The following KCNIP4 variants were observed in gnomAD, a reference collection of about 807,000 sequenced individuals.
KCNIP4 encodes Kv channel-interacting protein 4.
Under a neutral mutation model 34.0 loss-of-function variants are expected in KCNIP4, and 12 were observed. The observed-to-expected ratio is 0.35, with a 90% CI of 0.23 to 0.57. The LOEUF (loss-of-function observed/expected upper bound fraction) is 0.57, where lower values mean the gene tolerates loss of function less well. Ranked by LOEUF, KCNIP4 falls within the 20% of genes least tolerant of loss-of-function variation. KCNIP4 has a pLI of 0.83. For missense variants in KCNIP4, 238 were observed against 311.7 expected (o/e 0.76, Z 1.78); for synonymous variants, 124 against 102.2 (o/e 1.21, Z -1.29).
intron 1 of KCNIP4, among the ~76,000 whole-genome samples, chr4:20,947,103 T>C (rs896880003): frequency 1.3e-5 from 2 of 152,156 alleles, no homozygotes; most frequent in Non-Finnish European, 2.9e-5. Context: ...CAAAGTCTGT[T>C]TCCTCTGTTA....
chr4:21,132,556 G>A (rs190091314), intron 1 of KCNIP4, among the ~76,000 whole-genome samples: 38 of 152,134 alleles, frequency 2.5e-4, no homozygotes, highest in Admixed American at 7.9e-4. Flanking sequence ...TAATTATATG[G>A]TTTTCCTGCT....
At chr4:21,879,363 C>T (rs2109381285) in intron 1 of KCNIP4, among the ~76,000 whole-genome samples, 1 of 152,326 alleles carries the variant, frequency 6.6e-6, no homozygotes, top group South Asian at 2.1e-4. Flanking sequence ...ACCCCTATCC[C>T]TCAGCATCCT....
chr4:20,874,762 G>A (rs1723826768), intron 2 of KCNIP4, among the ~76,000 whole-genome samples: 1 of 150,874 alleles, frequency 6.6e-6, no homozygotes, highest in Non-Finnish European at 1.5e-5. Flanking sequence ...TTATGAAAAT[G>A]AAATATTCAA....
intron 1 of KCNIP4, among the ~76,000 whole-genome samples, chr4:20,937,531 G>A (rs1731205160): frequency 6.6e-6 from 1 of 152,002 alleles, no homozygotes; most frequent in African/African-American, 2.4e-5. Flanking sequence ...ACCGTGCCTG[G>A]CCCCCAAGGA....
At chr4:21,090,598 A>C (rs1265609409) in intron 1 of KCNIP4, among the ~76,000 whole-genome samples, 1 of 152,196 alleles carries the variant, frequency 6.6e-6, no homozygotes, top group Non-Finnish European at 1.5e-5. Context: ...GTTTTTATGT[A>C]TTGCATTGTA....
rs1205271760 is a variant in KCNIP4, at chr4:20,882,643, C to G, written c.128G>C (p.Cys43Ser). Residue 43 changes from cysteine to serine, a missense_variant, in exon 2 of 9, where the codon TGC (cysteine) becomes TCC (serine). By Grantham distance (112) the Cys-to-Ser change is moderately radical. Coordinates refer to ENST00000382152, the MANE Select transcript of KCNIP4 (RefSeq NM_025221.6). ...IKERLMKLLP[C>S]SAAKTSSPAI... Reference sequence around the variant, plus strand: ...AGGAGACGACGTTTTGGCAGCTGAGCAGGGCAAGAGCTTCATGAGCCGCTC... The same window carrying G: ...AGGAGACGACGTTTTGGCAGCTGAGGAGGGCAAGAGCTTCATGAGCCGCTC... The G allele has an allele frequency of 6.2e-7, 1 of 1,613,134 alleles. No homozygotes were observed. Among genetic ancestry groups the G allele is most frequent in the Admixed American group, 1.7e-5 (1 of 59,946 alleles).
At chr4:20,905,505 C>CTTT (rs1182454951) in intron 1 of KCNIP4, among the ~76,000 whole-genome samples, 7 of 37,026 alleles carry the variant, frequency 1.9e-4, no homozygotes, top group African/African-American at 5.2e-4. Flanking sequence ...TGAACGTTTT[C>CTTT]TTTCTTTTTT....
intron 1 of KCNIP4, among the ~76,000 whole-genome samples, chr4:21,378,108 A>G (rs1300271909): frequency 6.6e-6 from 1 of 152,134 alleles, no homozygotes; most frequent in Non-Finnish European, 1.5e-5. Context: ...TCTAGGTTAC[A>G]CTTAATAGCC....
At chr4:21,556,379 C>T (rs950537423) in intron 1 of KCNIP4, among the ~76,000 whole-genome samples, 13 of 152,082 alleles carry the variant, frequency 8.5e-5, no homozygotes, top group African/African-American at 3.1e-4. Flanking sequence ...TTGCCCCATT[C>T]CCACAGTTGA....
At chr4:21,772,088 A>C (rs1372921646) in intron 1 of KCNIP4, among the ~76,000 whole-genome samples, 1 of 152,134 alleles carries the variant, frequency 6.6e-6, no homozygotes, top group African/African-American at 2.4e-5. Context: ...TTATTTTGAG[A>C]TATGTTCCAT....
intron 1 of KCNIP4, among the ~76,000 whole-genome samples, chr4:21,773,860 T>C (rs571686079): frequency 6.6e-6 from 1 of 151,954 alleles, no homozygotes. Flanking sequence ...GTCTCCTGAA[T>C]ACAGTGCACT....
intron 1 of KCNIP4, among the ~76,000 whole-genome samples, chr4:21,803,569 C>G (rs528295382): frequency 1.3e-5 from 2 of 152,282 alleles, no homozygotes; most frequent in East Asian, 3.9e-4. Flanking sequence ...ACCTGCCCAA[C>G]CCCCACCATT....
intron 1 of KCNIP4, among the ~76,000 whole-genome samples, chr4:21,156,046 C>G (rs1413844366): frequency 6.6e-6 from 1 of 152,074 alleles, no homozygotes; most frequent in Non-Finnish European, 1.5e-5. Context: ...CCAGTTGTAG[C>G]TAAAGATTCT....
intron 3 of KCNIP4, among the ~76,000 whole-genome samples, chr4:20,800,935 A>C (rs183978956): frequency 3.9e-4 from 59 of 152,344 alleles, no homozygotes; most frequent in Admixed American, 8.5e-4. Context: ...ACTTAGCTCC[A>C]AGGTCCCCAA....
chr4:21,315,664 G>T (rs1240776464), intron 1 of KCNIP4, among the ~76,000 whole-genome samples: 1 of 152,116 alleles, frequency 6.6e-6, no homozygotes, highest in South Asian at 2.1e-4. Context: ...TTAGTACAAG[G>T]TGGGTGTTAT....
intron 1 of KCNIP4, among the ~76,000 whole-genome samples, chr4:21,741,323 G>A (rs1047128497): frequency 6.6e-6 from 1 of 152,144 alleles, no homozygotes; most frequent in South Asian, 2.1e-4. Flanking sequence ...TAGGTCTGCA[G>A]GGAACTCAAA....
intron 1 of KCNIP4, among the ~76,000 whole-genome samples, chr4:21,719,430 AG>A (rs1714623671): frequency 6.6e-6 from 1 of 152,180 alleles, no homozygotes; most frequent in South Asian, 2.1e-4. Flanking sequence ...AGCTGGGGTG[AG>A]GGTGTTGAGG....
chr4:21,505,223 T>C (rs1037400848), intron 1 of KCNIP4, among the ~76,000 whole-genome samples: 1 of 151,674 alleles, frequency 6.6e-6, no homozygotes, highest in African/African-American at 2.4e-5. Flanking sequence ...GTTTCATAGA[T>C]TTTTCCCCCC....
At chr4:20,785,276 A>C (rs1711809883) in intron 3 of KCNIP4, among the ~76,000 whole-genome samples, 1 of 151,938 alleles carries the variant, frequency 6.6e-6, no homozygotes, top group South Asian at 2.1e-4. Context: ...CTTTCCCTAC[A>C]GATCAATGAC....
Sources: allele counts gnomAD v4.1 joint callset (sites outside exome capture counted in the v4.1 genomes callset), GRCh38; gene constraint gnomAD v4.1.1; transcripts MANE v1.5; gene names NCBI Gene and HGNC (gene_info 2026-07-23, HGNC 2026-07-21).